The following NEGR1 variants were observed in gnomAD, a reference collection of about 807,000 sequenced individuals.
The protein encoded by NEGR1 is neuronal growth regulator 1, also known as IgLON family member 4.
In NEGR1, 10 loss-of-function variants were observed where a neutral mutation model predicts 40.9. That is an observed-to-expected ratio of 0.24 (90% CI 0.15 to 0.42). The LOEUF is 0.42. Among genes scored for constraint, NEGR1 ranks in the 10% least tolerant of loss-of-function variants. The pLI is 1.00. For missense variants in NEGR1, 352 were observed against 438.9 expected, an observed-to-expected ratio of 0.80 and a Z score of 1.77; for synonymous variants, 185 against 166.8, an observed-to-expected ratio of 1.11 and a Z score of -0.84.
intron 3 of NEGR1, among the ~76,000 whole-genome samples, chr1:71,764,559 G>A (rs910568937): frequency 2.6e-5 from 4 of 152,114 alleles, no homozygotes; most frequent in African/African-American, 9.7e-5. Context: ...GAGACAACTC[G>A]CAACATCAAC....
chr1:72,147,536 T>C (rs566440713), intron 1 of NEGR1, among the ~76,000 whole-genome samples: 3 of 152,078 alleles, frequency 2.0e-5, no homozygotes, highest in African/African-American at 7.2e-5. Context: ...ACCATATCAT[T>C]TCACCCCTGG....
At chr1:71,920,065 C>T (rs1262587957) in intron 2 of NEGR1, among the ~76,000 whole-genome samples, 1 of 152,150 alleles carries the variant, frequency 6.6e-6, no homozygotes, top group Non-Finnish European at 1.5e-5. Context: ...TAGCCTCCTA[C>T]AACTGCTCCC....
intron 6 of NEGR1, among the ~76,000 whole-genome samples, chr1:71,471,462 A>G (rs750117267): frequency 6.6e-6 from 1 of 152,094 alleles, no homozygotes; most frequent in Non-Finnish European, 1.5e-5. Flanking sequence ...CCTGGCCGAC[A>G]TGGTGAAACC....
chr1:71,585,782 T>A (rs1156764756), intron 6 of NEGR1, among the ~76,000 whole-genome samples: 1 of 149,428 alleles, frequency 6.7e-6, no homozygotes, highest in African/African-American at 2.5e-5. Flanking sequence ...GACAATATCA[T>A]AATGATATAC....
chr1:72,219,822 C>CT (rs1557584465), intron 1 of NEGR1, among the ~76,000 whole-genome samples: 1 of 152,084 alleles, frequency 6.6e-6, no homozygotes, highest in Non-Finnish European at 1.5e-5. Context: ...CTAACAATCA[C>CT]TTTTCACATA....
intron 4 of NEGR1, among the ~76,000 whole-genome samples, chr1:71,642,985 T>C (rs1037508919): frequency 6.6e-6 from 1 of 151,874 alleles, no homozygotes; most frequent in African/African-American, 2.4e-5. Flanking sequence ...TAAAGAAAGT[T>C]CATAATAAAG....
chr1:71,751,569 G>C (rs1352419548), intron 3 of NEGR1, among the ~76,000 whole-genome samples: 1 of 152,090 alleles, frequency 6.6e-6, no homozygotes, highest in Non-Finnish European at 1.5e-5. Context: ...TGTTTCTTGT[G>C]CTTTCTCTAC....
At chr1:72,056,293 T>C (rs1364530144) in intron 1 of NEGR1, among the ~76,000 whole-genome samples, 2 of 151,358 alleles carry the variant, frequency 1.3e-5, no homozygotes, top group Non-Finnish European at 3.0e-5. Flanking sequence ...CTTAATTTTG[T>C]ACATCACAAA....
At position 71,739,468 on chromosome 1, in the gene NEGR1, C is replaced by T. The variant is rs547147841; in HGVS notation, c.535+36704G>A. On this transcript the variant is annotated intron_variant, in intron 3 of 6. Transcript: ENST00000357731. ...TACTAGTTCTGTCCTTCTAGAGAACCCTGACTAATACACCCCCACCAAAAC... is the reference window on the plus strand; with the variant it reads ...TACTAGTTCTGTCCTTCTAGAGAACTCTGACTAATACACCCCCACCAAAAC... Among the ~76,000 whole-genome samples, 7 of 151,468 alleles carry T rather than the reference C, an allele frequency of 4.6e-5. No individual in the cohort carries two copies. The South Asian group carries it at 1.3e-3, about 27-fold the overall frequency.
chr1:72,150,155 C>T (rs1457212495), intron 1 of NEGR1, among the ~76,000 whole-genome samples: 1 of 152,088 alleles, frequency 6.6e-6, no homozygotes, highest in East Asian at 1.9e-4. Context: ...TGCAGACTTT[C>T]TCTGCCATTC....
chr1:71,872,958 C>A (rs1318451964), intron 2 of NEGR1, among the ~76,000 whole-genome samples: 1 of 151,536 alleles, frequency 6.6e-6, no homozygotes, highest in African/African-American at 2.4e-5. Context: ...TTAGCGGAAC[C>A]CACACTACCC....
chr1:71,638,943 C>G (rs1274625065), intron 4 of NEGR1, among the ~76,000 whole-genome samples: 1 of 151,372 alleles, frequency 6.6e-6, no homozygotes, highest in Non-Finnish European at 1.5e-5. Context: ...TTTTTAACAG[C>G]TATACTCACA....
At chr1:72,092,947 T>C (rs1331601127) in intron 1 of NEGR1, among the ~76,000 whole-genome samples, 2 of 152,118 alleles carry the variant, frequency 1.3e-5, no homozygotes, top group African/African-American at 4.8e-5. Context: ...CCACTGTACC[T>C]GACCTCCTTA....
chr1:71,533,888 G>A (rs565855165), intron 6 of NEGR1, among the ~76,000 whole-genome samples: 21 of 151,686 alleles, frequency 1.4e-4, no homozygotes, highest in African/African-American at 4.6e-4. Flanking sequence ...GCATTTTTGA[G>A]AAACTCTAAT....
chr1:72,063,983 A>G (rs755079731), intron 1 of NEGR1, among the ~76,000 whole-genome samples: 1 of 151,964 alleles, frequency 6.6e-6, no homozygotes, highest in Non-Finnish European at 1.5e-5. Context: ...TACAGTTTCA[A>G]TTTCAGTTTA....
At chr1:71,806,933 C>T (rs1400093566) in intron 2 of NEGR1, among the ~76,000 whole-genome samples, 1 of 143,422 alleles carries the variant, frequency 7.0e-6, no homozygotes, top group East Asian at 2.0e-4. Context: ...CACTCTCTTG[C>T]CCAGGCTGGA....
intron 2 of NEGR1, among the ~76,000 whole-genome samples, chr1:71,790,981 G>A (rs1448813302): frequency 6.6e-6 from 1 of 151,966 alleles, no homozygotes; most frequent in African/African-American, 2.4e-5. Flanking sequence ...AACTGGGGAA[G>A]AGGAGGAGAA....
chr1:71,513,327 G>A (rs1037950281), intron 6 of NEGR1, among the ~76,000 whole-genome samples: 4 of 152,190 alleles, frequency 2.6e-5, no homozygotes, highest in African/African-American at 7.2e-5. Flanking sequence ...AAAGCACACA[G>A]GGTGGTTTTC....
intron 1 of NEGR1, among the ~76,000 whole-genome samples, chr1:72,057,378 A>G (rs1647121528): frequency 6.6e-6 from 1 of 151,552 alleles, no homozygotes; most frequent in African/African-American, 2.4e-5. Context: ...AAGTCCATGT[A>G]GCTGGATTCT....
Sources: allele counts gnomAD v4.1 joint callset (sites outside exome capture counted in the v4.1 genomes callset), GRCh38; gene constraint gnomAD v4.1.1; transcripts MANE v1.5; gene names NCBI Gene and HGNC (gene_info 2026-07-23, HGNC 2026-07-21).